BNIP2: variants seen among roughly 807,000 people sequenced by gnomAD.
BNIP2 encodes the protein BCL2/adenovirus E1B 19 kDa protein-interacting protein 2.
BNIP2 carries 36 observed loss-of-function variants against 43.4 expected under a neutral mutation model. The ratio of observed to expected loss-of-function variants is 0.83; its 90% CI spans 0.64 to 1.10. The LOEUF (loss-of-function observed/expected upper bound fraction) is 1.10, where lower values mean the gene tolerates loss of function less well. Ranked by LOEUF, BNIP2 falls within the 50% of genes least tolerant of loss-of-function variation. The pLI, the probability that BNIP2 is intolerant of heterozygous loss-of-function variation, is 0.00. For missense variants in BNIP2, 417 were observed against 374.1 expected (o/e 1.11, Z -0.95); for synonymous variants, 146 against 121.0 (o/e 1.21, Z -1.35).
chr15:59,671,934 G>C (rs1381386311), intron 6 of BNIP2, among the ~76,000 whole-genome samples: 2 of 152,158 alleles, frequency 1.3e-5, no homozygotes, highest in African/African-American at 4.8e-5. Context: ...AAGTCAGCAG[G>C]ATGTGGTGAC....
At chr15:59,664,763 C>A (rs371134700) in intron 9 of BNIP2, among the ~76,000 whole-genome samples, 1 of 151,832 alleles carries the variant, frequency 6.6e-6, no homozygotes, top group African/African-American at 2.4e-5. Flanking sequence ...CCAGGTGGTA[C>A]GAAAATGGCA....
intron 5 of BNIP2, among the ~76,000 whole-genome samples, chr15:59,673,464 T>G (rs1162438344): frequency 6.6e-6 from 1 of 152,036 alleles, no homozygotes; most frequent in African/African-American, 2.4e-5. Context: ...CTTGCTCCAT[T>G]GCCCAGGATG....
chr15:59,687,391 G>A (rs1207778457), intron 1 of BNIP2, among the ~76,000 whole-genome samples: 1 of 135,434 alleles, frequency 7.4e-6, no homozygotes, highest in Non-Finnish European at 1.5e-5. Flanking sequence ...TCACTCTGTC[G>A]CCCAGGCTGG....
intron 5 of BNIP2, among the ~76,000 whole-genome samples, chr15:59,675,557 CT>C: frequency 6.6e-6 from 1 of 150,958 alleles, no homozygotes; most frequent in South Asian, 2.1e-4. Flanking sequence ...TTGCAGTGAG[CT>C]GTCACGCCAC....
chr15:59,689,104 AC>A, intron 1 of BNIP2, 30 bp downstream of exon 1: 2 of 1,527,212 alleles, frequency 1.3e-6, no homozygotes, highest in Non-Finnish European at 1.8e-6. Context: ...CTCCGGAGCC[AC>A]CGTGCCGAGT....
intron 1 of BNIP2, among the ~76,000 whole-genome samples, chr15:59,687,456 A>G (rs999646564): frequency 6.6e-6 from 1 of 150,424 alleles, no homozygotes; most frequent in Non-Finnish European, 1.5e-5. Context: ...GGTTCAAGTG[A>G]TTCTTGTGCC....
intron 8 of BNIP2, 44 bp downstream of exon 8, chr15:59,669,227 TAAATA>T (rs749825061): frequency 7.7e-7 from 1 of 1,304,926 alleles, no homozygotes; most frequent in Admixed American, 2.5e-5. Flanking sequence ...TAACTAAAAA[TAAATA>T]AATAAAAAAA....
Position 59,663,457 on chromosome 15 carries a change from A to G in BNIP2, c.*612T>C, listed in dbSNP as rs967454311. On this transcript the variant is annotated 3_prime_UTR_variant, in exon 10 of 10. Coordinates refer to ENST00000607373, the MANE Select transcript of BNIP2 (RefSeq NM_004330.4). Reference sequence around the variant, plus strand: ...TGCTGAATTATGAAACAAATATGTTAAATGAGAAAAAAACCTTGGGATGGT... The same window carrying G: ...TGCTGAATTATGAAACAAATATGTTGAATGAGAAAAAAACCTTGGGATGGT... 4 of 152,664 alleles carry G rather than the reference A, an allele frequency of 2.6e-5. No individual in the cohort carries two copies. The highest frequency in any genetic ancestry group is 2.6e-4 in the Admixed American group (4 of 15,288). 9.5% of individuals were successfully genotyped at this position (152,664 alleles called of 1,614,324 possible). A position where few individuals can be genotyped will look rare whatever the true frequency, so the allele number is the denominator to read the frequency against.
At position 59,662,871 on chromosome 15, in the gene BNIP2, AC is replaced by A; in HGVS notation, c.*1197del. The A allele has an allele frequency of 6.6e-6, 1 of 152,362 alleles. No homozygotes were observed. The highest frequency in any genetic ancestry group is 3.4e-3 in the Middle Eastern group (1 of 294). 9.4% of individuals were successfully genotyped at this position (152,362 alleles called of 1,614,324 possible). A position where few individuals can be genotyped will look rare whatever the true frequency, so the allele number is the denominator to read the frequency against. ...GTAATTAAACTTTTTGTTTGGAGGCACAAACACAATTTATTTCAATGTAAAG... is the reference window on the plus strand; with the variant it reads ...GTAATTAAACTTTTTGTTTGGAGGCAAAACACAATTTATTTCAATGTAAAG... On this transcript the variant is annotated 3_prime_UTR_variant, in exon 10 of 10. Coordinates refer to ENST00000607373, the MANE Select transcript of BNIP2 (RefSeq NM_004330.4).
At chr15:59,687,892 T>C (rs375656098) in intron 1 of BNIP2, among the ~76,000 whole-genome samples, 14 of 152,186 alleles carry the variant, frequency 9.2e-5, no homozygotes, top group African/African-American at 3.4e-4. Context: ...TGACACTACA[T>C]CCTGGTCCCC....
Position 59,669,326 on chromosome 15 carries a change from A to G in BNIP2, c.744T>C (p.His248=), listed in dbSNP as rs1312103630. The stretch of plus-strand genomic sequence containing the variant: ...GAAGTGTTCTGATAAACCAAGAAGG[A>G]TGTACAATGATTAGGGATTTTAGAT... The part of the protein sequence containing the change: ...RKNLKSLIIV[H]PSWFIRTLLA... The change falls in exon 8 of 10, where the codon CAT becomes CAC. Residue 248 remains histidine (H), a synonymous_variant. Transcript: ENST00000607373. The G allele has an allele frequency of 6.5e-7, 1 of 1,547,792 alleles. No homozygotes were observed.
At position 59,669,311 on chromosome 15, in the gene BNIP2, G is replaced by A; in HGVS notation, c.759C>T (p.Ile253=). The change falls in exon 8 of 10, where the codon ATC becomes ATT. Residue 253 remains isoleucine (I), a synonymous_variant. Transcript: ENST00000607373. ...SLIIVHPSWF[I]RTLLAVTRPF... The stretch of plus-strand genomic sequence containing the variant: ...GTCTTGTAACAGCCAGAAGTGTTCT[G>A]ATAAACCAAGAAGGATGTACAATGA... 1.3e-6 allele frequency: 2 copies of A among 1,554,476 alleles called. No homozygotes were observed. Among genetic ancestry groups the A allele is most frequent in the South Asian group, 2.6e-5 (2 of 77,360 alleles).
intron 1 of BNIP2, among the ~76,000 whole-genome samples, chr15:59,685,780 A>G (rs1413596684): frequency 2.6e-5 from 4 of 152,224 alleles, no homozygotes; most frequent in Non-Finnish European, 4.4e-5. Context: ...AAAACAATTT[A>G]AACAATTGAG....
intron 5 of BNIP2, chr15:59,676,934 G>A (rs1893338752): frequency 9.9e-6 from 16 of 1,610,822 alleles, no homozygotes; most frequent in African/African-American, 2.7e-5. Flanking sequence ...CACCCTCTGC[G>A]AGAACAGCAT....
intron 8 of BNIP2, 26 bp downstream of exon 8, chr15:59,669,250 T>TA (rs767868223): frequency 6.8e-7 from 1 of 1,460,354 alleles, no homozygotes; most frequent in Non-Finnish European, 9.3e-7. Flanking sequence ...AAAATAAAAT[T>TA]AAAGTCAATG....
intron 7 of BNIP2, among the ~76,000 whole-genome samples, 167 bp from the exon 8 acceptor site, chr15:59,669,529 T>C (rs1408349440): frequency 6.6e-6 from 1 of 152,208 alleles, no homozygotes; most frequent in Admixed American, 6.5e-5. Flanking sequence ...ATTCTTATGG[T>C]CCCTCCTACT....
At chr15:59,668,865 C>A (rs780411120) in intron 9 of BNIP2, 27 bp downstream of exon 9, 3 of 1,556,470 alleles carry the variant, frequency 1.9e-6, no homozygotes, top group Non-Finnish European at 2.7e-6. Flanking sequence ...AGATCCAATA[C>A]AATTAAGGAA....
At chr15:59,668,282 C>A in intron 9 of BNIP2, 1 of 399,360 alleles carries the variant, frequency 2.5e-6, no homozygotes, top group South Asian at 2.4e-5. Flanking sequence ...TAAAAATTTA[C>A]TTAATAAATC....
chr15:59,671,310 C>T lies in BNIP2; in HGVS notation c.580G>A (p.Val194Ile), dbSNP rs762227404. Residue 194 changes from valine to isoleucine, a missense_variant, in exon 7 of 10, where the codon GTT (valine) becomes ATT (isoleucine). Coordinates refer to ENST00000607373, the MANE Select transcript of BNIP2 (RefSeq NM_004330.4). ...ACTAATAGCTCCAAAGTGCCAATAA[C>T]ATATCTGTAAAAAACAAATTAAGTT... The part of the protein sequence containing the change: ...RYLMDNLFKY[V>I]IGTLELLVAE... 5 of 1,584,700 alleles carry T rather than the reference C, an allele frequency of 3.2e-6. No homozygotes were observed. In the African/African-American group the frequency reaches 6.7e-5, roughly 21 times the overall value.
Sources: gnomAD v4.1 joint callset for allele counts (sites outside exome capture counted in the v4.1 genomes callset) on GRCh38, gnomAD v4.1.1 for gene constraint, MANE v1.5 for transcripts, NCBI Gene and HGNC (gene_info 2026-07-23, HGNC 2026-07-21) for gene names.